MAPT: variants seen among roughly 807,000 people sequenced by gnomAD.
The protein encoded by MAPT is microtubule associated protein tau.
A neutral mutation model predicts 67.9 loss-of-function variants in MAPT; 34 were observed. The observed-to-expected ratio is 0.50, with a 90% CI of 0.38 to 0.67. MAPT has a LOEUF of 0.67. Ranked by LOEUF, MAPT falls within the 30% of genes least tolerant of loss-of-function variation. The pLI, the probability that MAPT is intolerant of heterozygous loss-of-function variation, is 0.00. For missense variants in MAPT, 881 were observed against 1,115.2 expected, an observed-to-expected ratio of 0.79 and a Z score of 2.99; for synonymous variants, 456 against 464.5, an observed-to-expected ratio of 0.98 and a Z score of 0.23.
intron 1 of MAPT, 103 bp from the exon 2 acceptor site, chr17:45,962,218 G>T: frequency 1.0e-6 from 1 of 957,558 alleles, no homozygotes; most frequent in Non-Finnish European, 1.6e-6. Context: ...GGGAGGCTGA[G>T]ATCTGCCTGC....
chr17:45,932,180 A>C (rs1184277371), intron 1 of MAPT: 1 of 152,186 alleles, frequency 6.6e-6, no homozygotes, highest in Non-Finnish European at 1.5e-5. Flanking sequence ...CTTCATAATC[A>C]CTGTCCTACC....
chr17:45,999,204 T>C (rs2074775878), intron 9 of MAPT: 4 of 1,530,086 alleles, frequency 2.6e-6, no homozygotes, highest in Middle Eastern at 4.9e-4. Context: ...TCTTCCTGGA[T>C]TCCCCTCTCT....
At chr17:45,905,858 C>T (rs1164283760) in intron 1 of MAPT, among the ~76,000 whole-genome samples, 1 of 152,260 alleles carries the variant, frequency 6.6e-6, no homozygotes. Context: ...CTTTGAGCTT[C>T]TCAGAAGTGC....
intron 11 of MAPT, among the ~76,000 whole-genome samples, chr17:46,014,792 T>G (rs2146090122): frequency 6.6e-6 from 1 of 151,180 alleles, no homozygotes; most frequent in Admixed American, 6.7e-5. Context: ...GAAAATGGCG[T>G]GAACCCGGAA....
rs1367817894 is a variant in MAPT at position 45,978,425 on chromosome 17, G to T, written c.271G>T (p.Gly91Cys). Residue 91 changes from glycine to cysteine, a missense_variant, in exon 4 of 13, where the codon GGT (glycine) becomes TGT (cysteine). Transcript: ENST00000262410. ...CCCCAGCCTGGAAGACGAAGCTGCTGGTCACGTGACCCAAGGTCAGTGAAC... is the reference window on the plus strand; with the variant it reads ...CCCCAGCCTGGAAGACGAAGCTGCTTGTCACGTGACCCAAGGTCAGTGAAC... ...DTPSLEDEAA[G>C]HVTQEELRVP... is the part of the protein sequence containing the mutation. 6.2e-7 allele frequency: 1 copy of T among 1,613,710 alleles called. No homozygotes were observed. Among genetic ancestry groups the T allele is most frequent in the East Asian group, 2.2e-5 (1 of 44,868 alleles).
intron 1 of MAPT, among the ~76,000 whole-genome samples, chr17:45,925,546 T>C (rs191638583): frequency 2.7e-5 from 4 of 149,592 alleles, no homozygotes; most frequent in Admixed American, 1.3e-4. Context: ...GCAAAAGATT[T>C]ATGTACCAAG....
chr17:45,914,996 G>A (rs966823911), intron 1 of MAPT, among the ~76,000 whole-genome samples: 6 of 152,070 alleles, frequency 3.9e-5, no homozygotes, highest in Admixed American at 6.6e-5. Flanking sequence ...AGATTAAAAC[G>A]TGAGTCACCC....
Position 45,943,140 on chromosome 17 carries a change from G to A in MAPT, c.-17-19181G>A, listed in dbSNP as rs184228786. 8.9e-4 allele frequency among the ~76,000 whole-genome samples: 135 copies of A among 152,274 alleles called. 1 individual carries two copies. In the Middle Eastern group the frequency reaches 0.014, roughly 15 times the overall value. On this transcript the variant is annotated intron_variant, in intron 1 of 12. Coordinates refer to ENST00000262410, the MANE Select transcript of MAPT (RefSeq NM_001377265.1). ...ATGATCTCAGCTCACTGCAACCTCC[G>A]CCTCCCAGGTTCAAGCAATTCTTGT... is the stretch of plus-strand genomic sequence containing the variant.
intron 3 of MAPT, chr17:45,977,446 TG>T (rs1240142673): frequency 1.3e-5 from 2 of 152,274 alleles, no homozygotes; most frequent in African/African-American, 4.8e-5. Flanking sequence ...CTGGTGATTC[TG>T]GTGGCCTGAG....
chr17:45,958,439 G>A (rs1272095785), intron 1 of MAPT, among the ~76,000 whole-genome samples: 1 of 152,202 alleles, frequency 6.6e-6, no homozygotes, highest in Non-Finnish European at 1.5e-5. Flanking sequence ...AATGAGAGTG[G>A]GTCGGCGCGG....
chr17:45,903,934 ATT>A (rs1362400782), intron 1 of MAPT, among the ~76,000 whole-genome samples: 26 of 29,170 alleles, frequency 8.9e-4, no homozygotes, highest in African/African-American at 2.9e-3. Flanking sequence ...TATATTATAT[ATT>A]TATATATAAT....
At position 45,987,028 on chromosome 17, in the gene MAPT, A is replaced by G. The variant is rs566932944; in HGVS notation, c.1352-12A>G. 12 of 1,612,948 alleles carry G rather than the reference A, an allele frequency of 7.4e-6. No individual in the cohort carries two copies. In the African/African-American group the frequency reaches 1.6e-4, roughly 21 times the overall value. On this transcript the variant is annotated splice_polypyrimidine_tract_variant and intron_variant, in intron 5 of 12. Transcript: ENST00000262410. ...GGAGTGTGACAAGCATTCTTATTTT[A>G]TATTTTATCAGCTCGCATGGTCAGT...
At chr17:45,901,408 G>T (rs781196386) in intron 1 of MAPT, among the ~76,000 whole-genome samples, 6 of 152,230 alleles carry the variant, frequency 3.9e-5, no homozygotes, top group Non-Finnish European at 7.3e-5. Flanking sequence ...GTAAAGAAGA[G>T]ATTTTACAAA....
At chr17:45,900,554 T>C (rs1211291078) in intron 1 of MAPT, among the ~76,000 whole-genome samples, 3 of 152,190 alleles carry the variant, frequency 2.0e-5, no homozygotes, top group Non-Finnish European at 4.4e-5. Flanking sequence ...AGGGACCCGA[T>C]AGAAATCCAA....
chr17:46,008,634 A>C (rs1475012576), intron 9 of MAPT, among the ~76,000 whole-genome samples: 2 of 152,186 alleles, frequency 1.3e-5, no homozygotes, highest in Non-Finnish European at 2.9e-5. Flanking sequence ...TTATGAAGAA[A>C]TGAGTTAGAT....
rs148015940 is a variant in MAPT at position 45,995,548 on chromosome 17, G to A, written c.1733-851G>A. On this transcript the variant is annotated intron_variant, in intron 8 of 12. Transcript: ENST00000262410. This position sits in a 1 kb window ranked among gnomAD's most constrained non-coding sequence, Gnocchi z 4.3. ...GTGTAACGGGGGCCTGGGAAGTGCA[G>A]TAACAGAAGCAAGTTTGAGGGTAAA... Among the ~76,000 whole-genome samples the A allele has an allele frequency of 8.5e-5, 13 of 152,292 alleles. No homozygotes were observed. The East Asian group carries it at 2.5e-3, about 29-fold the overall frequency.
chr17:45,946,615 A>AAAAAAAAATAT lies in MAPT; in HGVS notation c.-17-15705_-17-15704insAAAAAAATATA. ...CTCTGTCTTAAAAAAAAAAAAAAAAAATATATATATATATATATATATATG... is the reference window on the plus strand; with the variant it reads ...CTCTGTCTTAAAAAAAAAAAAAAAAAAAAAAAAATATATATATATATATATATATATATATG... On this transcript the variant is annotated intron_variant, in intron 1 of 12. Transcript: ENST00000262410. 2.3e-3 allele frequency among the ~76,000 whole-genome samples: 227 copies of AAAAAAAAATAT among 100,356 alleles called. 5 individuals carry two copies. The highest frequency in any genetic ancestry group is 9.6e-3 in the African/African-American group (221 of 22,948). The allele number at this position is 100,356 out of a possible 152,430, so 65.8% of individuals were successfully genotyped here.
intron 1 of MAPT, among the ~76,000 whole-genome samples, chr17:45,946,926 C>A (rs1422190996): frequency 6.6e-6 from 1 of 152,134 alleles, no homozygotes; most frequent in Non-Finnish European, 1.5e-5. Context: ...TCCCAAAAAG[C>A]AGCCTTCATC....
intron 1 of MAPT, chr17:45,908,221 A>C (rs2064466817): frequency 6.6e-6 from 1 of 152,176 alleles, no homozygotes; most frequent in South Asian, 2.1e-4. Flanking sequence ...AGAGAAGCTC[A>C]TTTTTCTTCC....
Sources: gnomAD v4.1 joint callset for allele counts (sites outside exome capture counted in the v4.1 genomes callset) on GRCh38, gnomAD v4.1.1 for gene constraint, Gnocchi (gnomAD v3.1) non-coding constraint, MANE v1.5 for transcripts, NCBI Gene and HGNC (gene_info 2026-07-23, HGNC 2026-07-21) for gene names.